Variants in DNAH17 observed in about 807,000 individuals in gnomAD.
DNAH17 encodes the protein axonemal beta dynein heavy chain 17.
In DNAH17, 376 loss-of-function variants were observed where a neutral mutation model predicts 485.6. The observed-to-expected ratio is 0.77, with a 90% CI of 0.71 to 0.84. The LOEUF is 0.84. DNAH17 is among the 40% of genes least tolerant of loss of function. The pLI is 0.00. For missense variants in DNAH17, 6,370 were observed against 5,839.3 expected (o/e 1.09, Z -2.96); for synonymous variants, 3,031 against 2,405.9 (o/e 1.26, Z -7.60).
At chr17:78,535,383 G>T (rs944349948) in intron 19 of DNAH17, among the ~76,000 whole-genome samples, 1 of 152,108 alleles carries the variant, frequency 6.6e-6, no homozygotes, top group African/African-American at 2.4e-5. Flanking sequence ...TCCAGAATCC[G>T]CTCACACGCC....
chr17:78,499,059 A>G lies in DNAH17; in HGVS notation c.5694T>C (p.Phe1898=). ...GLAQTGAWGC[F]DEFNRISVEV... ...CCACTGAGATGCGATTAAACTCGTCAAAGCAGCCCCAGGCTCCCGTCTGGG... is the reference window on the plus strand; with the variant it reads ...CCACTGAGATGCGATTAAACTCGTCGAAGCAGCCCCAGGCTCCCGTCTGGG... The change falls in exon 37 of 81, where the codon TTT becomes TTC. Residue 1898 remains phenylalanine, a synonymous_variant. Coordinates refer to ENST00000389840, the MANE Select transcript of DNAH17 (RefSeq NM_173628.4). 6.2e-7 allele frequency: 1 copy of G among 1,610,416 alleles called. No homozygotes were observed. Among genetic ancestry groups the G allele is most frequent in the Non-Finnish European group, 8.5e-7 (1 of 1,178,332 alleles).
rs1173438803 is a variant in DNAH17, at chr17:78,429,145, C to A, written c.12381G>T (p.Gln4127His). 6.2e-7 allele frequency: 1 copy of A among 1,613,482 alleles called. No individual in the cohort carries two copies. Among genetic ancestry groups the A allele is most frequent in the Non-Finnish European group, 8.5e-7 (1 of 1,179,810 alleles). The change falls in exon 76 of 81, where the codon CAG becomes CAT. Residue 4127 changes from glutamine to histidine, a missense_variant. Transcript: ENST00000389840. ...CCTTGTAGTCCAGGTTGGGGGGGAT[C>A]TGAAAGCCGGGGGCCAGCAGGACGT... is the stretch of plus-strand genomic sequence containing the variant. The part of the protein sequence containing the change: ...EGDVLLAPGF[Q>H]IPPNLDYKGY...
In DNAH17 at chr17:78,468,838, G is replaced by T. The variant is rs1228182499; in HGVS notation, c.8557C>A (p.Pro2853Thr). The change falls in exon 55 of 81, where the codon CCC becomes ACC. Residue 2853 changes from proline (P) to threonine (T), a missense_variant. By Grantham distance (38) the Pro-to-Thr change is conservative (BLOSUM62 -1). Coordinates refer to ENST00000389840, the MANE Select transcript of DNAH17 (RefSeq NM_173628.4). ...GAGTCTGTCATCAGGAACACCGAGG[G>T]AACGTTCTTCACGGCAGCCTTTATG... ...QYIKAAVKNV[P>T]SVFLMTDSQV... is the part of the protein sequence containing the mutation. 2 of 1,613,992 alleles carry T rather than the reference G, an allele frequency of 1.2e-6. No homozygotes were observed. Among genetic ancestry groups the T allele is most frequent in the Non-Finnish European group, 1.7e-6 (2 of 1,179,902 alleles).
At chr17:78,437,012 C>G (rs906398058) in intron 74 of DNAH17, among the ~76,000 whole-genome samples, 1 of 152,142 alleles carries the variant, frequency 6.6e-6, no homozygotes, top group African/African-American at 2.4e-5. Context: ...GTCCTCGAGC[C>G]CCAGGTGCCA....
At chr17:78,550,248 G>A (rs1229977651) in intron 16 of DNAH17, among the ~76,000 whole-genome samples, 2 of 152,238 alleles carry the variant, frequency 1.3e-5, no homozygotes, top group Non-Finnish European at 2.9e-5. Flanking sequence ...GGACACTTTG[G>A]TGACATTTTC....
intron 63 of DNAH17, 133 bp from the exon 64 acceptor site, chr17:78,454,838 G>A (rs2087720897): frequency 4.1e-6 from 3 of 727,266 alleles, no homozygotes; most frequent in Admixed American, 5.2e-5. Context: ...GGAGAAGCCA[G>A]CCATTTCCAT....
chr17:78,438,429 A>AGGAGGAGGAGGAGGAGGAGGAGGAGGAG (rs1568050656), intron 73 of DNAH17, among the ~76,000 whole-genome samples: 2 of 4,976 alleles, frequency 4.0e-4, no homozygotes, highest in African/African-American at 7.2e-4. Flanking sequence ...GAGGAGAAGG[A>AGGAGGAGGAGGAGGAGGAGGAGGAGGAG]GGAGGAGGAG....
At chr17:78,475,564 G>T in intron 53 of DNAH17, 95 bp from the exon 54 acceptor site, 1 of 1,601,872 alleles carries the variant, frequency 6.2e-7, no homozygotes, top group Non-Finnish European at 8.5e-7. Flanking sequence ...TGTGCACTGT[G>T]TGCCACGCAG....
At position 78,476,867 on chromosome 17, in the gene DNAH17, C is replaced by G. The variant is rs912704992; in HGVS notation, c.7993-134G>C. 3.6e-6 allele frequency: 4 copies of G among 1,114,380 alleles called. No individual in the cohort carries two copies. The African/African-American group carries it at 6.4e-5, about 18-fold the overall frequency. The allele number at this position is 1,114,380 out of a possible 1,614,324, so 69.0% of individuals were successfully genotyped here. A position where few individuals can be genotyped will look rare whatever the true frequency, so the allele number is the denominator to read the frequency against. On this transcript the variant is annotated intron_variant, in intron 51 of 80. Transcript: ENST00000389840. ...TGTTCAGCTGTTGGCACAGCATTCA[C>G]TTGGGGCCAGGGAAGCCACTCATCA...
intron 18 of DNAH17, among the ~76,000 whole-genome samples, chr17:78,538,927 A>AC (rs2091450568): frequency 6.6e-6 from 1 of 152,026 alleles, no homozygotes; most frequent in Admixed American, 6.6e-5. Context: ...TCATTTAGAA[A>AC]CCATCTCAAC....
At chr17:78,556,934 C>A (rs556557799) in intron 14 of DNAH17, among the ~76,000 whole-genome samples, 1 of 152,176 alleles carries the variant, frequency 6.6e-6, no homozygotes, top group Non-Finnish European at 1.5e-5. Flanking sequence ...ACGTATGATA[C>A]CATTGCCCTC....
rs762212989 is a variant in DNAH17, at chr17:78,462,882, C to T, written c.9136G>A (p.Glu3046Lys). 1 of 1,613,960 alleles carries T rather than the reference C, an allele frequency of 6.2e-7. No homozygotes were observed. The highest frequency in any genetic ancestry group is 8.5e-7 in the Non-Finnish European group (1 of 1,179,874). ...CTCTGCAGCTTCATCAGGCCGTTCTCCAGCCTCTCGATTTTGGCAACAAGT... is the reference window on the plus strand; with the variant it reads ...CTCTGCAGCTTCATCAGGCCGTTCTTCAGCCTCTCGATTTTGGCAACAAGT... ...TELVAKIERL[E>K]NGLMKLQSTA... The change falls in exon 57 of 81, where the codon GAG becomes AAG. Residue 3046 changes from glutamate (E) to lysine (K), a missense_variant. By Grantham distance (56) the Glu-to-Lys change is moderately conservative (BLOSUM62 1). Coordinates refer to ENST00000389840, the MANE Select transcript of DNAH17 (RefSeq NM_173628.4).
At chr17:78,460,376 GTATGTGTGCA>G (rs1453597657) in intron 58 of DNAH17, 119 bp from the exon 59 acceptor site, 1 of 339,554 alleles carries the variant, frequency 2.9e-6, no homozygotes, top group Non-Finnish European at 5.0e-6. Flanking sequence ...GTGCATGAGT[GTATGTGTGCA>G]TATATGTGCA....
intron 14 of DNAH17, among the ~76,000 whole-genome samples, chr17:78,553,296 T>TTTG (rs1453863520): frequency 1.1e-3 from 51 of 47,888 alleles, no homozygotes; most frequent in African/African-American, 3.5e-3. Context: ...TTTTTTTTTT[T>TTTG]TTTTTTTTTT....
chr17:78,575,542 C>T (rs76732259), intron 1 of DNAH17, among the ~76,000 whole-genome samples: 2,833 of 152,266 alleles, frequency 0.019, 90 homozygotes, highest in African/African-American at 0.063. Flanking sequence ...GAAGCAGACC[C>T]CACGTGCAGG....
intron 1 of DNAH17, among the ~76,000 whole-genome samples, chr17:78,576,832 G>A (rs767470986): frequency 2.0e-4 from 31 of 152,194 alleles, no homozygotes; most frequent in Admixed American, 2.6e-4. Context: ...CCTACACCCC[G>A]CAAGTTTCTT....
Position 78,543,934 on chromosome 17 carries a change from C to T in DNAH17, c.2455G>A (p.Asp819Asn). 6 of 1,614,028 alleles carry T rather than the reference C, an allele frequency of 3.7e-6. No homozygotes were observed. Among genetic ancestry groups the T allele is most frequent in the Non-Finnish European group, 4.2e-6 (5 of 1,179,898 alleles). ...TTGTTGAGGTTGGCAATTCTTCCATCCAAGTCTAACAGGGCCTCTTTCTTA... is the reference window on the plus strand; with the variant it reads ...TTGTTGAGGTTGGCAATTCTTCCATTCAAGTCTAACAGGGCCTCTTTCTTA... Reference protein sequence around the residue: ...DNKKEALLDLDGRIANLNKRY... With the variant: ...DNKKEALLDLNGRIANLNKRY... Residue 819 changes from aspartate to asparagine, a missense_variant, in exon 17 of 81, where the codon GAT becomes AAT. Transcript: ENST00000389840.
chr17:78,575,281 G>T (rs1240460104), intron 1 of DNAH17, among the ~76,000 whole-genome samples, 199 bp from the exon 2 acceptor site: 1 of 152,208 alleles, frequency 6.6e-6, no homozygotes, highest in Non-Finnish European at 1.5e-5. Flanking sequence ...GCCCCGCCAT[G>T]GGGGGTGCCC....
intron 69 of DNAH17, among the ~76,000 whole-genome samples, chr17:78,448,423 C>T (rs915867924): frequency 5.3e-5 from 8 of 152,066 alleles, no homozygotes; most frequent in African/African-American, 1.4e-4. Flanking sequence ...GCTACTGAGG[C>T]GGCTGAAGTG....
Sources: gnomAD v4.1 joint callset for allele counts (sites outside exome capture counted in the v4.1 genomes callset) on GRCh38, gnomAD v4.1.1 for gene constraint, MANE v1.5 for transcripts, NCBI Gene and HGNC (gene_info 2026-07-23, HGNC 2026-07-21) for gene names.